FARS2: variants seen among roughly 807,000 people sequenced by gnomAD.
The protein encoded by FARS2 is phenylalanyl-tRNA synthetase 2, mitochondrial, also known as phenylalanine--tRNA ligase, mitochondrial.
FARS2 carries 40 observed loss-of-function variants against 46.4 expected under a neutral mutation model. The ratio of observed to expected loss-of-function variants is 0.86; its 90% CI spans 0.67 to 1.12. The LOEUF (loss-of-function observed/expected upper bound fraction) is 1.12. Among genes scored for constraint, FARS2 ranks in the 50% most tolerant of loss-of-function variants. FARS2 has a pLI of 0.00. For synonymous variants in FARS2, 234 were observed against 214.9 expected (o/e 1.09, Z -0.78); for missense variants, 513 against 567.9 (o/e 0.90, Z 0.98).
chr6:5,568,786 T>G lies in FARS2; in HGVS notation c.1065+23446T>G, dbSNP rs1389182898. On this transcript the variant is annotated intron_variant, in intron 5 of 6. Coordinates refer to ENST00000274680, the MANE Select transcript of FARS2 (RefSeq NM_006567.5). ...GATTTCTATTTTAGACAGATCCCAG[T>G]GCGGATAAGATGAGGATAGATTGGG... is the stretch of plus-strand genomic sequence containing the variant. Among the ~76,000 whole-genome samples, 3 of 152,126 alleles carry G rather than the reference T, an allele frequency of 2.0e-5. No homozygotes were observed. The East Asian group carries it at 5.8e-4, about 29-fold the overall frequency.
chr6:5,679,420 T>G (rs189728308), intron 6 of FARS2, among the ~76,000 whole-genome samples: 112 of 152,274 alleles, frequency 7.4e-4, no homozygotes, highest in African/African-American at 2.5e-3. Flanking sequence ...GCCTGCCCTG[T>G]TGAGTGCTTT....
intron 4 of FARS2, among the ~76,000 whole-genome samples, chr6:5,530,164 G>T (rs1296916893): frequency 6.6e-6 from 1 of 152,182 alleles, no homozygotes; most frequent in Non-Finnish European, 1.5e-5. Context: ...GTCTCCAGAT[G>T]TGTCACCTGG....
intron 6 of FARS2, among the ~76,000 whole-genome samples, chr6:5,641,308 T>A (rs1011396867): frequency 6.6e-6 from 1 of 152,034 alleles, no homozygotes; most frequent in African/African-American, 2.4e-5. Context: ...TTTTATTTTA[T>A]TTTTTTGAGA....
intron 4 of FARS2, among the ~76,000 whole-genome samples, chr6:5,533,248 A>G (rs1057056828): frequency 3.5e-4 from 53 of 152,164 alleles, no homozygotes; most frequent in African/African-American, 1.3e-3. Context: ...GTGTGTTCCA[A>G]TTCTCTCCTT....
At chr6:5,644,924 A>T (rs553829116) in intron 6 of FARS2, among the ~76,000 whole-genome samples, 2 of 152,228 alleles carry the variant, frequency 1.3e-5, no homozygotes, top group Admixed American at 1.3e-4. Context: ...ACTCAGGATC[A>T]TTGAAGACTC....
chr6:5,525,126 G>A (rs922552466), intron 4 of FARS2, among the ~76,000 whole-genome samples: 1 of 151,896 alleles, frequency 6.6e-6, no homozygotes, highest in African/African-American at 2.4e-5. Flanking sequence ...AAAAGAAATG[G>A]CTGCCGACGT....
rs545305293 is a variant in FARS2 at position 5,300,714 on chromosome 6, A to C, written c.-22+39054A>C. ...GAGACAGGGTCTTGCTCTGTTGCCTAGGCTGGAGTGCAGTGATGCCATCAT... is the reference window on the plus strand; with the variant it reads ...GAGACAGGGTCTTGCTCTGTTGCCTCGGCTGGAGTGCAGTGATGCCATCAT... On this transcript the variant is annotated intron_variant, in intron 1 of 6. Transcript: ENST00000274680. 2.6e-5 allele frequency among the ~76,000 whole-genome samples: 4 copies of C among 151,802 alleles called. No homozygotes were observed. In the South Asian group the frequency reaches 8.3e-4, roughly 32 times the overall value.
intron 3 of FARS2, among the ~76,000 whole-genome samples, chr6:5,424,911 C>T (rs763176361): frequency 3.0e-4 from 46 of 152,162 alleles, no homozygotes; most frequent in Non-Finnish European, 6.3e-4. Context: ...TTGACAGTGG[C>T]GGCTGCACGA....
intron 6 of FARS2, among the ~76,000 whole-genome samples, chr6:5,721,996 G>A (rs1194186979): frequency 6.6e-6 from 1 of 152,224 alleles, no homozygotes; most frequent in African/African-American, 2.4e-5. Flanking sequence ...ATCAAGGGTT[G>A]AAACTTAATA....
intron 4 of FARS2, among the ~76,000 whole-genome samples, chr6:5,520,104 A>G (rs1325968019): frequency 2.6e-5 from 4 of 152,200 alleles, no homozygotes; most frequent in Admixed American, 2.0e-4. Context: ...GCCTGGAACT[A>G]AGGAGGAACC....
chr6:5,549,934 A>G (rs76008096), intron 5 of FARS2, among the ~76,000 whole-genome samples: 1 of 152,160 alleles, frequency 6.6e-6, no homozygotes, highest in Non-Finnish European at 1.5e-5. Flanking sequence ...TCATCTAAAT[A>G]TCATCAGCCC....
chr6:5,474,656 C>T (rs1766006487), intron 4 of FARS2, among the ~76,000 whole-genome samples: 1 of 126,010 alleles, frequency 7.9e-6, no homozygotes, highest in Non-Finnish European at 1.7e-5. Context: ...AATAAAAATA[C>T]AGTACTGTTT....
chr6:5,732,758 C>T (rs576030657), intron 6 of FARS2, among the ~76,000 whole-genome samples: 29 of 152,154 alleles, frequency 1.9e-4, no homozygotes, highest in East Asian at 3.9e-4. Context: ...GTCTCCTCTT[C>T]GCTTCCCTCT....
intron 6 of FARS2, among the ~76,000 whole-genome samples, chr6:5,688,629 T>C (rs189235934): frequency 1.3e-5 from 2 of 152,178 alleles, no homozygotes; most frequent in African/African-American, 4.8e-5. Context: ...ATTTTTGCAT[T>C]GATGTTCATG....
chr6:5,365,139 A>G (rs536173326), intron 1 of FARS2, among the ~76,000 whole-genome samples: 6 of 151,286 alleles, frequency 4.0e-5, no homozygotes, highest in African/African-American at 1.5e-4. Flanking sequence ...TACTTATTTC[A>G]TTTTTACTAT....
intron 5 of FARS2, among the ~76,000 whole-genome samples, chr6:5,564,741 A>C (rs185495814): frequency 3.9e-5 from 6 of 152,350 alleles, no homozygotes; most frequent in African/African-American, 1.4e-4. Context: ...TTCTAAAGCC[A>C]AGCCCAGCCA....
At chr6:5,688,042 A>G (rs1757389069) in intron 6 of FARS2, among the ~76,000 whole-genome samples, 3 of 152,310 alleles carry the variant, frequency 2.0e-5, no homozygotes, top group Admixed American at 1.3e-4. Context: ...ATTTTTGCAC[A>G]TTGATTTTGT....
intron 4 of FARS2, among the ~76,000 whole-genome samples, chr6:5,493,095 G>C (rs1045085516): frequency 4.0e-5 from 6 of 151,650 alleles, no homozygotes; most frequent in African/African-American, 1.2e-4. Context: ...TGTAATCCCA[G>C]CTACTTGGGA....
intron 3 of FARS2, among the ~76,000 whole-genome samples, chr6:5,427,814 A>G (rs536934103): frequency 3.7e-4 from 56 of 152,330 alleles, no homozygotes; most frequent in Non-Finnish European, 6.2e-4. Flanking sequence ...GTGGTGGCTG[A>G]GATCTTAAAC....
Sources: gnomAD v4.1 joint callset for allele counts (sites outside exome capture counted in the v4.1 genomes callset) on GRCh38, gnomAD v4.1.1 for gene constraint, MANE v1.5 for transcripts, NCBI Gene and HGNC (gene_info 2026-07-23, HGNC 2026-07-21) for gene names.